The following DYNC2H1 variants were observed in gnomAD, a reference collection of about 807,000 sequenced individuals.
DYNC2H1 encodes the protein dynein cytoplasmic 2 heavy chain 1.
In DYNC2H1, 410 loss-of-function variants were observed where a neutral mutation model predicts 570.0. The observed-to-expected ratio is 0.72, with a 90% CI of 0.66 to 0.78. The LOEUF (loss-of-function observed/expected upper bound fraction) is 0.78, where lower values mean the gene tolerates loss of function less well. Among genes scored for constraint, DYNC2H1 ranks in the 30% least tolerant of loss-of-function variants. DYNC2H1 has a pLI of 0.00. For synonymous variants in DYNC2H1, 1,688 were observed against 1,677.6 expected, an observed-to-expected ratio of 1.01 and a Z score of -0.15; for missense variants, 4,865 against 5,046.4, an observed-to-expected ratio of 0.96 and a Z score of 1.09.
Position 103,109,500 on chromosome 11 carries a change from C to G in DYNC2H1, c.-75C>G. On this transcript the variant is annotated 5_prime_UTR_variant, in exon 1 of 89. Transcript: ENST00000375735. Reference sequence around the variant, plus strand: ...CTACGGGTTTGAGCAAAGCTCCTCTCTTCCCTTCACTTCCCTCCGGACTGG... The same window carrying G: ...CTACGGGTTTGAGCAAAGCTCCTCTGTTCCCTTCACTTCCCTCCGGACTGG... The G allele has an allele frequency of 7.1e-6, 10 of 1,402,284 alleles. No individual in the cohort carries two copies. The highest frequency in any genetic ancestry group is 1.4e-5 in the African/African-American group (1 of 70,570). 86.9% of individuals were successfully genotyped at this position (1,402,284 alleles called of 1,614,324 possible). A position where few individuals can be genotyped will look rare whatever the true frequency, so the allele number is the denominator to read the frequency against.
At chr11:103,378,675 T>C (rs1221586852) in intron 83 of DYNC2H1, among the ~76,000 whole-genome samples, 2 of 84,806 alleles carry the variant, frequency 2.4e-5, no homozygotes, top group South Asian at 3.7e-4. Context: ...CAAAATATTA[T>C]TTAAAAGTGT....
chr11:103,338,688 CTCTT>C (rs1939285311), intron 82 of DYNC2H1, among the ~76,000 whole-genome samples: 2 of 152,282 alleles, frequency 1.3e-5, no homozygotes, highest in Non-Finnish European at 2.9e-5. Flanking sequence ...TTATATGAAT[CTCTT>C]TCTTAAAGTT....
intron 82 of DYNC2H1, among the ~76,000 whole-genome samples, chr11:103,331,841 C>G (rs1363673542): frequency 6.6e-6 from 1 of 152,122 alleles, no homozygotes; most frequent in African/African-American, 2.4e-5. Context: ...GTGGGCAGAT[C>G]ACGAGGTCAG....
chr11:103,202,501 T>G, intron 50 of DYNC2H1, among the ~76,000 whole-genome samples: 1 of 152,236 alleles, frequency 6.6e-6, no homozygotes, highest in South Asian at 2.1e-4. Flanking sequence ...GTATAATATA[T>G]AGATAGAGCT....
chr11:103,403,364 A>G (rs1942720907), intron 84 of DYNC2H1: 1 of 152,062 alleles, frequency 6.6e-6, no homozygotes, highest in South Asian at 2.1e-4. Context: ...AATGTAGAAT[A>G]AAGTTATGAT....
At chr11:103,164,742 T>C (rs1861230415) in intron 30 of DYNC2H1, among the ~76,000 whole-genome samples, 1 of 152,218 alleles carries the variant, frequency 6.6e-6, no homozygotes, top group Non-Finnish European at 1.5e-5. Flanking sequence ...TTCATAATAT[T>C]AGTTCCTATC....
At position 103,117,708 on chromosome 11, in the gene DYNC2H1, G is replaced by C; in HGVS notation, c.844G>C (p.Glu282Gln). ...LWEDPYYLVK[E>Q]SLKAGISICE... ...GGAAGATCCTTATTATCTTGTGAAAGAAAGTCTGAAAGCTGGTATTTCAAT... is the reference window on the plus strand; with the variant it reads ...GGAAGATCCTTATTATCTTGTGAAACAAAGTCTGAAAGCTGGTATTTCAAT... Residue 282 changes from glutamate (E) to glutamine (Q), a missense_variant, in exon 6 of 89, where the codon GAA (glutamate) becomes CAA (glutamine). By Grantham distance (29) the Glu-to-Gln change is conservative. Transcript: ENST00000375735. 1 of 1,612,644 alleles carries C rather than the reference G, an allele frequency of 6.2e-7. No individual in the cohort carries two copies. Among genetic ancestry groups the C allele is most frequent in the Non-Finnish European group, 8.5e-7 (1 of 1,179,050 alleles).
chr11:103,452,624 C>T (rs80160731), intron 85 of DYNC2H1, among the ~76,000 whole-genome samples: 1 of 86,302 alleles, frequency 1.2e-5, no homozygotes, highest in Non-Finnish European at 2.6e-5. Flanking sequence ...GCTTGTATTA[C>T]AATTTACTGA....
chr11:103,237,744 A>G (rs1468424195), intron 63 of DYNC2H1, among the ~76,000 whole-genome samples: 2 of 151,652 alleles, frequency 1.3e-5, no homozygotes, highest in African/African-American at 2.4e-5. Context: ...AAATTAAAAA[A>G]AAAAGGTTTA....
At position 103,155,311 on chromosome 11, in the gene DYNC2H1, CTT is replaced by C. The variant is rs5794210; in HGVS notation, c.3574-9_3574-8del. 14,182 of 1,181,456 alleles carry C rather than the reference CTT, an allele frequency of 0.012. 1 individual carries two copies. The highest frequency in any genetic ancestry group is 0.026 in the Admixed American group (971 of 36,962). 73.2% of individuals were successfully genotyped at this position (1,181,456 alleles called of 1,614,324 possible). A position where few individuals can be genotyped will look rare whatever the true frequency, so the allele number is the denominator to read the frequency against. On this transcript the variant is annotated intron_variant, in intron 24 of 88. Transcript: ENST00000375735. ...TATATGTGTATACATATGACTTTTTCTTTTTTTTTTTTGTAACAGATCGTAAT... is the reference window on the plus strand; with the variant it reads ...TATATGTGTATACATATGACTTTTTCTTTTTTTTTTGTAACAGATCGTAAT...
At chr11:103,173,734 G>A (rs180750474) in intron 35 of DYNC2H1, among the ~76,000 whole-genome samples, 4 of 152,174 alleles carry the variant, frequency 2.6e-5, no homozygotes, top group Non-Finnish European at 5.9e-5. Context: ...AGATAATGGT[G>A]AACTAGACAG....
intron 63 of DYNC2H1, among the ~76,000 whole-genome samples, chr11:103,238,900 A>G (rs1864323023): frequency 6.6e-6 from 1 of 152,150 alleles, no homozygotes; most frequent in Non-Finnish European, 1.5e-5. Flanking sequence ...TATGTCCTGG[A>G]TTGCTTGGTC....
chr11:103,129,012 G>T lies in DYNC2H1; in HGVS notation c.1953+7G>T, dbSNP rs779208461. On this transcript the variant is annotated splice_region_variant and intron_variant, in intron 13 of 88. Transcript: ENST00000375735. The surrounding 1 kb of genome is among the most constrained non-coding windows in gnomAD (Gnocchi z 4.1). The stretch of plus-strand genomic sequence containing the variant: ...ATTTGAACAGATAATTAAGGTAAAT[G>T]GGCTTTTAATTTTATTATAATTAGA... 13 of 1,590,440 alleles carry T rather than the reference G, an allele frequency of 8.2e-6. No individual in the cohort carries two copies. Among genetic ancestry groups the T allele is most frequent in the Non-Finnish European group, 8.6e-6 (10 of 1,167,568 alleles).
chr11:103,237,289 T>C (rs897632819), intron 63 of DYNC2H1, among the ~76,000 whole-genome samples: 7 of 152,134 alleles, frequency 4.6e-5, no homozygotes, highest in African/African-American at 1.7e-4. Context: ...TATTTCCTTA[T>C]TCTTATTTTT....
At chr11:103,394,140 C>T (rs1263269045) in intron 83 of DYNC2H1, among the ~76,000 whole-genome samples, 1 of 152,128 alleles carries the variant, frequency 6.6e-6, no homozygotes, top group African/African-American at 2.4e-5. Flanking sequence ...CTGATTTAAA[C>T]AATTTATTGG....
At position 103,163,073 on chromosome 11, in the gene DYNC2H1, C is replaced by A; in HGVS notation, c.4537C>A (p.Gln1513Lys). 6.2e-7 allele frequency: 1 copy of A among 1,612,836 alleles called. No individual in the cohort carries two copies. ...LALEMKKTLEQLLKECVTTGR... is the reference protein window; with the variant it reads ...LALEMKKTLEKLLKECVTTGR... Reference sequence around the variant, plus strand: ...CTTAGAAATGAAGAAAACTTTGGAACAGTTGTTGAAGGAATGTGTTACTAC... The same window carrying A: ...CTTAGAAATGAAGAAAACTTTGGAAAAGTTGTTGAAGGAATGTGTTACTAC... The change falls in exon 30 of 89, where the codon CAG becomes AAG. Residue 1513 changes from glutamine to lysine, a missense_variant. Around this residue, in one of 5 missense-constraint regions of DYNC2H1, gnomAD observed 1,936 missense variants for 1,962.1 expected, o/e 0.99. Transcript: ENST00000375735. The surrounding 1 kb of genome is among the most constrained non-coding windows in gnomAD (Gnocchi z 4.6).
At chr11:103,141,660 G>T (rs553764856) in intron 17 of DYNC2H1, among the ~76,000 whole-genome samples, 1 of 152,286 alleles carries the variant, frequency 6.6e-6, no homozygotes, top group Non-Finnish European at 1.5e-5. Context: ...AGGGGTCAGG[G>T]GTCAGGGACC....
At position 103,156,658 on chromosome 11, in the gene DYNC2H1, C is replaced by T; in HGVS notation, c.4015C>T (p.Leu1339=). The change falls in exon 26 of 89, where the codon CTG becomes TTG. Residue 1339 remains leucine, a synonymous_variant. Coordinates refer to ENST00000375735, the MANE Select transcript of DYNC2H1 (RefSeq NM_001377.3). ...ERKLAELDEY[L]QNLNHIQRKW... ...AAAACTTGCAGAGTTAGATGAATACCTGCAGAATTTAAATCATATTCAGAG... is the reference window on the plus strand; with the variant it reads ...AAAACTTGCAGAGTTAGATGAATACTTGCAGAATTTAAATCATATTCAGAG... 1 of 1,613,360 alleles carries T rather than the reference C, an allele frequency of 6.2e-7. No individual in the cohort carries two copies. Among genetic ancestry groups the T allele is most frequent in the Non-Finnish European group, 8.5e-7 (1 of 1,179,650 alleles).
In DYNC2H1 at chr11:103,129,726, A is replaced by G. The variant is rs1301901483; in HGVS notation, c.1953+721A>G. Among the ~76,000 whole-genome samples the G allele has an allele frequency of 6.6e-6, 1 of 152,168 alleles. No homozygotes were observed. The highest frequency in any genetic ancestry group is 1.5e-5 in the Non-Finnish European group (1 of 68,016). ...AAAGAAAAAGAAATTAGGAAAACCC[A>G]TAATAGCGTTTAAACTGAATGTTAC... is the stretch of plus-strand genomic sequence containing the variant. On this transcript the variant is annotated intron_variant, in intron 13 of 88. Coordinates refer to ENST00000375735, the MANE Select transcript of DYNC2H1 (RefSeq NM_001377.3). The surrounding 1 kb of genome is among the most constrained non-coding windows in gnomAD (Gnocchi z 4.1).
Sources: allele counts gnomAD v4.1 joint callset (sites outside exome capture counted in the v4.1 genomes callset), GRCh38; gene constraint gnomAD v4.1.1; regional missense constraint gnomAD v4.1.1; non-coding constraint Gnocchi (gnomAD v3.1); transcripts MANE v1.5; gene names NCBI Gene and HGNC (gene_info 2026-07-23, HGNC 2026-07-21).